HTR2C: variants seen among roughly 807,000 people sequenced by gnomAD.
HTR2C encodes the protein 5-hydroxytryptamine receptor 2C, also known as 5-hydroxytryptamine (serotonin) receptor 2C, G protein-coupled.
In HTR2C, 5 loss-of-function variants were observed where a neutral mutation model predicts 21.0. The observed-to-expected ratio is 0.24, with a 90% CI of 0.12 to 0.50. The LOEUF (loss-of-function observed/expected upper bound fraction) is 0.50, where lower values mean the gene tolerates loss of function less well. Among genes scored for constraint, HTR2C ranks in the 20% least tolerant of loss-of-function variants. HTR2C has a pLI of 0.98. For synonymous variants in HTR2C, 150 were observed against 145.3 expected (o/e 1.03, Z -0.23); for missense variants, 271 against 371.2 (o/e 0.73, Z 2.22).
intron 2 of HTR2C, among the ~76,000 whole-genome samples, chrX:114,686,934 T>TAA (rs1931937989): frequency 9.0e-6 from 1 of 111,630 alleles, no homozygotes; most frequent in African/African-American, 3.2e-5. Context: ...AATTTTAAAT[T>TAA]ATTTTAATAT....
intron 4 of HTR2C, among the ~76,000 whole-genome samples, chrX:114,821,053 A>G (rs942936467): frequency 6.3e-5 from 7 of 111,862 alleles, no homozygotes; most frequent in African/African-American, 2.3e-4. Context: ...CAACTTGGGC[A>G]TATGAAAAGT....
chrX:114,904,651 T>C (rs1319027950), intron 5 of HTR2C, among the ~76,000 whole-genome samples: 1 of 111,764 alleles, frequency 8.9e-6, no homozygotes, highest in Non-Finnish European at 1.9e-5. Flanking sequence ...TATCTCTTAA[T>C]ATATAAGTTC....
At chrX:114,749,345 G>A (rs2069736233) in intron 4 of HTR2C, among the ~76,000 whole-genome samples, 1 of 106,360 alleles carries the variant, frequency 9.4e-6, no homozygotes, top group Non-Finnish European at 1.9e-5. Flanking sequence ...CTACTTGGAG[G>A]CTGAGGTGGG....
chrX:114,763,743 A>G (rs1161216072), intron 4 of HTR2C, among the ~76,000 whole-genome samples: 1 of 109,727 alleles, frequency 9.1e-6, no homozygotes, highest in African/African-American at 3.3e-5. Flanking sequence ...TAATGGATAG[A>G]TGAAGGCCTC....
intron 4 of HTR2C, among the ~76,000 whole-genome samples, chrX:114,739,004 A>G (rs887643972): frequency 2.0e-4 from 22 of 110,591 alleles, no homozygotes; most frequent in African/African-American, 6.5e-4. Flanking sequence ...ACATTATTAT[A>G]TTTATAACAT....
intron 1 of HTR2C, among the ~76,000 whole-genome samples, chrX:114,604,674 G>A (rs938003052): frequency 3.9e-4 from 43 of 111,220 alleles, no homozygotes; most frequent in African/African-American, 1.4e-3. Flanking sequence ...CCGATTTTCA[G>A]TGGGGTCCCA....
At position 114,731,298 on chromosome X, in the gene HTR2C, C is replaced by T; in HGVS notation, c.40C>T (p.His14Tyr). Reference sequence around the variant, plus strand: ...TTTTTTTTTCTTAATTTTCAGTGTGCACCTAATTGGCCTATTGGTTTGGCA... The same window carrying T: ...TTTTTTTTTCTTAATTTTCAGTGTGTACCTAATTGGCCTATTGGTTTGGCA... ...LRNAVHSFLV[H>Y]LIGLLVWQSD... Residue 14 changes from histidine (H) to tyrosine (Y), a missense_variant, in exon 4 of 6, where the codon CAC (histidine) becomes TAC (tyrosine). His to Tyr is a moderately conservative substitution (Grantham distance 83). Coordinates refer to ENST00000276198, the MANE Select transcript of HTR2C (RefSeq NM_000868.4). 1 of 1,170,708 alleles carries T rather than the reference C, an allele frequency of 8.5e-7. No individual in the cohort carries two copies.
chrX:114,686,618 G>C (rs1386314642), intron 2 of HTR2C, among the ~76,000 whole-genome samples: 1 of 110,686 alleles, frequency 9.0e-6, no homozygotes, highest in Non-Finnish European at 1.9e-5. Flanking sequence ...AATTTAGAAA[G>C]TAGGCAAGGC....
intron 4 of HTR2C, among the ~76,000 whole-genome samples, chrX:114,763,844 A>G (rs1190300093): frequency 4.5e-5 from 5 of 111,444 alleles, no homozygotes; most frequent in Non-Finnish European, 9.4e-5. Flanking sequence ...TTTGGGTTTG[A>G]AATGTCTTCT....
At chrX:114,632,729 G>A (rs994571242) in intron 2 of HTR2C, among the ~76,000 whole-genome samples, 7 of 110,712 alleles carry the variant, frequency 6.3e-5, no homozygotes, top group African/African-American at 1.6e-4. Context: ...AAATTGGCCC[G>A]TGCCTTTATA....
At chrX:114,621,765 T>C (rs929242552) in intron 2 of HTR2C, among the ~76,000 whole-genome samples, 4 of 112,178 alleles carry the variant, frequency 3.6e-5, no homozygotes, top group African/African-American at 1.3e-4. Flanking sequence ...AGCAATGGAT[T>C]GTGGCCTGAG....
chrX:114,707,241 C>G (rs139389675), intron 2 of HTR2C, among the ~76,000 whole-genome samples: 1,330 of 110,262 alleles, frequency 0.012, 15 homozygotes, highest in African/African-American at 0.041. Flanking sequence ...CATTTCTATT[C>G]AAAATATCGT....
Position 114,905,159 on chromosome X carries a change from G to C in HTR2C, c.551-1430G>C, listed in dbSNP as rs185410150. 1.5e-4 allele frequency among the ~76,000 whole-genome samples: 17 copies of C among 110,813 alleles called. No homozygotes were observed. The East Asian group carries it at 4.3e-3, about 28-fold the overall frequency. ...CCTACTTTCTTGAATGGTGTGCCTA[G>C]GTTCAGAGCTATAGGTAGGCATGGA... On this transcript the variant is annotated intron_variant, in intron 5 of 5. Coordinates refer to ENST00000276198, the MANE Select transcript of HTR2C (RefSeq NM_000868.4).
rs1556418136 is a variant in HTR2C, at chrX:114,706,496, G to C, written c.-79-20362G>C. ...CACCGCATGTTCTCACTCATAGTTG[G>C]GAATTGAACAATGAGAACACACATG... On this transcript the variant is annotated intron_variant, in intron 2 of 5. Coordinates refer to ENST00000276198, the MANE Select transcript of HTR2C (RefSeq NM_000868.4). Among the ~76,000 whole-genome samples the C allele has an allele frequency of 5.1e-5, 5 of 97,542 alleles. No homozygotes were observed. The South Asian group carries it at 2.2e-3, about 43-fold the overall frequency. 84.7% of individuals were successfully genotyped at this position (97,542 alleles called of 115,157 possible).
In HTR2C at chrX:114,730,906, C is replaced by G. The variant is rs1390008971; in HGVS notation, c.36-388C>G. Among the ~76,000 whole-genome samples the G allele has an allele frequency of 2.7e-5, 3 of 111,505 alleles. No homozygotes were observed. The East Asian group carries it at 8.5e-4, about 32-fold the overall frequency. Reference sequence around the variant, plus strand: ...AATCAGTGGGACCTGAGTATGGACCCTGGCCCCGCCACTTACTGGCTGTTT... The same window carrying G: ...AATCAGTGGGACCTGAGTATGGACCGTGGCCCCGCCACTTACTGGCTGTTT... On this transcript the variant is annotated intron_variant, in intron 3 of 5. Coordinates refer to ENST00000276198, the MANE Select transcript of HTR2C (RefSeq NM_000868.4).
chrX:114,670,644 G>A (rs903196174), intron 2 of HTR2C, among the ~76,000 whole-genome samples: 28 of 112,211 alleles, frequency 2.5e-4, no homozygotes, highest in African/African-American at 8.7e-4. Flanking sequence ...TTGCTAATCT[G>A]ATAGTGTAAG....
rs1337283310 is a variant in HTR2C, at chrX:114,909,664, T to A, written c.*2249T>A. The A allele has an allele frequency of 2.7e-5, 3 of 112,724 alleles. No individual in the cohort carries two copies. The highest frequency in any genetic ancestry group is 9.7e-5 in the African/African-American group (3 of 30,961). 9.3% of individuals were successfully genotyped at this position (112,724 alleles called of 1,213,427 possible). A position where few individuals can be genotyped will look rare whatever the true frequency, so the allele number is the denominator to read the frequency against. On this transcript the variant is annotated 3_prime_UTR_variant, in exon 6 of 6. Transcript: ENST00000276198. The stretch of plus-strand genomic sequence containing the variant: ...TTCTTGTGTCATCAAGTAGTAGTAC[T>A]TAATAGTACCCAACCTGGTAATTAT...
intron 1 of HTR2C, among the ~76,000 whole-genome samples, chrX:114,601,496 GC>G (rs1359103271): frequency 1.9e-5 from 2 of 107,856 alleles, no homozygotes; most frequent in East Asian, 3.0e-4. Flanking sequence ...CAGTGGGGGT[GC>G]TTTTTGAGCC....
chrX:114,851,394 C>T (rs1556469218), intron 5 of HTR2C, among the ~76,000 whole-genome samples: 4 of 111,943 alleles, frequency 3.6e-5, no homozygotes, highest in Non-Finnish European at 5.7e-5. Flanking sequence ...GAAAAACCTT[C>T]GTATATTTGG....
Sources: gnomAD v4.1 joint callset for allele counts (sites outside exome capture counted in the v4.1 genomes callset) on GRCh38, gnomAD v4.1.1 for gene constraint, MANE v1.5 for transcripts, NCBI Gene and HGNC (gene_info 2026-07-23, HGNC 2026-07-21) for gene names.